Variants in MMP24 observed in about 807,000 individuals in gnomAD.
MMP24 encodes matrix metalloproteinase-24.
MMP24 carries 25 observed loss-of-function variants against 62.8 expected under a neutral mutation model. The ratio of observed to expected loss-of-function variants is 0.40; its 90% CI spans 0.29 to 0.56. MMP24 has a LOEUF of 0.56. MMP24 is among the 20% of genes least tolerant of loss of function. MMP24 has a pLI of 0.50. For missense variants in MMP24, 634 were observed against 853.6 expected (o/e 0.74, Z 3.21); for synonymous variants, 319 against 350.5 (o/e 0.91, Z 1.00).
intron 6 of MMP24, among the ~76,000 whole-genome samples, chr20:35,268,993 C>G (rs867719509): frequency 6.9e-6 from 1 of 145,224 alleles, no homozygotes; most frequent in African/African-American, 2.6e-5. Flanking sequence ...CGCCACTGCA[C>G]TCCAGCCTGG....
intron 5 of MMP24, 62 bp downstream of exon 5, chr20:35,264,014 G>C: frequency 1.3e-6 from 2 of 1,500,882 alleles, no homozygotes; most frequent in Non-Finnish European, 9.0e-7. Flanking sequence ...CTGCCTACCT[G>C]TCATGGGGCA....
In MMP24 at chr20:35,253,270, C is replaced by CTTTTTTTTT. The variant is rs34474017; in HGVS notation, c.513-1165_513-1157dup. Among the ~76,000 whole-genome samples, 404 of 79,028 alleles carry CTTTTTTTTT rather than the reference C, an allele frequency of 5.1e-3. 63 individuals are homozygous for CTTTTTTTTT. The highest frequency in any genetic ancestry group is 0.021 in the African/African-American group (353 of 17,162). 51.8% of individuals were successfully genotyped at this position (79,028 alleles called of 152,430 possible). On this transcript the variant is annotated intron_variant, in intron 3 of 8. Transcript: ENST00000246186. ...GACAAGCACTCCCTACAGAACGGGA[C>CTTTTTTTTT]TTTTTTTTTTTTTTTTTTTTTTTCA...
At chr20:35,256,570 T>C (rs1380618556) in intron 4 of MMP24, among the ~76,000 whole-genome samples, 1 of 151,840 alleles carries the variant, frequency 6.6e-6, no homozygotes, top group Admixed American at 6.6e-5. Context: ...AACACAAAAA[T>C]TAGCCAGGCA....
rs2060655529 is a variant in MMP24 at position 35,269,525 on chromosome 20, G to A, written c.1195-235G>A. On this transcript the variant is annotated intron_variant, in intron 6 of 8. Transcript: ENST00000246186. The surrounding 1 kb of genome is among the most constrained non-coding windows in gnomAD (Gnocchi z 4.6). ...CCTCACACCTCCTTTTCCACACCAG[G>A]CCTGTCTGCTGTTTGTCTCATTGTC... Among the ~76,000 whole-genome samples, 1 of 152,268 alleles carries A rather than the reference G, an allele frequency of 6.6e-6. No individual in the cohort carries two copies. The highest frequency in any genetic ancestry group is 6.5e-5 in the Admixed American group (1 of 15,284).
intron 5 of MMP24, among the ~76,000 whole-genome samples, chr20:35,265,998 A>T (rs965363987): frequency 1.3e-5 from 2 of 151,734 alleles, no homozygotes; most frequent in African/African-American, 2.4e-5. Context: ...GGATTCTAAT[A>T]AAAAAACACA....
At position 35,276,682 on chromosome 20, in the gene MMP24, T is replaced by G; in HGVS notation, c.*2073T>G. ...CCCCCGCCTCCCGCCAGGCTCCCCATTGGCTCCTGGCAGGCCAGCTGAGAA... is the reference window on the plus strand; with the variant it reads ...CCCCCGCCTCCCGCCAGGCTCCCCAGTGGCTCCTGGCAGGCCAGCTGAGAA... On this transcript the variant is annotated 3_prime_UTR_variant, in exon 9 of 9. Transcript: ENST00000246186. 6.1e-6 allele frequency: 1 copy of G among 163,572 alleles called. No individual in the cohort carries two copies. Among genetic ancestry groups the G allele is most frequent in the Non-Finnish European group, 1.3e-5 (1 of 75,482 alleles). The allele number at this position is 163,572 out of a possible 1,614,324, so 10.1% of individuals were successfully genotyped here. A position where few individuals can be genotyped will look rare whatever the true frequency, so the allele number is the denominator to read the frequency against.
At position 35,269,720 on chromosome 20, in the gene MMP24, G is replaced by A. The variant is rs772471913; in HGVS notation, c.1195-40G>A. 1.3e-6 allele frequency: 2 copies of A among 1,555,396 alleles called. No individual in the cohort carries two copies. Among genetic ancestry groups the A allele is most frequent in the Non-Finnish European group, 1.7e-6 (2 of 1,149,820 alleles). On this transcript the variant is annotated intron_variant, in intron 6 of 8. Coordinates refer to ENST00000246186, the MANE Select transcript of MMP24 (RefSeq NM_006690.4). This position sits in a 1 kb window ranked among gnomAD's most constrained non-coding sequence, Gnocchi z 4.6. ...TGCAATCACTGGGTTCGGAGGCAGG[G>A]CCTGACACACCTCTCTCCCCCTCTC...
At chr20:35,237,653 A>G (rs1174866348) in intron 1 of MMP24, among the ~76,000 whole-genome samples, 1 of 152,230 alleles carries the variant, frequency 6.6e-6, no homozygotes, top group Non-Finnish European at 1.5e-5. Context: ...TTCTTTAAAC[A>G]TCTGTTTAAC....
In MMP24 at chr20:35,247,001, T is replaced by C. The variant is rs368578440; in HGVS notation, c.395+13T>C. Reference sequence around the variant, plus strand: ...AGACAACGATCGAGTAAGATTTCCATAGGACATTGTGCCTTTGAACTTTCT... The same window carrying C: ...AGACAACGATCGAGTAAGATTTCCACAGGACATTGTGCCTTTGAACTTTCT... On this transcript the variant is annotated intron_variant, in intron 2 of 8. Transcript: ENST00000246186. 115 of 1,613,978 alleles carry C rather than the reference T, an allele frequency of 7.1e-5. No individual in the cohort carries two copies. The highest frequency in any genetic ancestry group is 9.9e-5 in the South Asian group (9 of 91,086).
At chr20:35,246,290 T>TA (rs71299212) in intron 1 of MMP24, among the ~76,000 whole-genome samples, 3,829 of 131,180 alleles carry the variant, frequency 0.029, 72 homozygotes, top group Non-Finnish European at 0.046. Context: ...CTGTCTCTAC[T>TA]AAAAAAAAAA....
At chr20:35,272,045 A>G (rs2060673322) in intron 8 of MMP24, 2 of 616,118 alleles carry the variant, frequency 3.2e-6, no homozygotes, top group Non-Finnish European at 5.6e-6. Context: ...GGAATGATTC[A>G]CGGCAGAGAG....
intron 1 of MMP24, among the ~76,000 whole-genome samples, chr20:35,241,696 G>A (rs553186624): frequency 9.8e-5 from 15 of 152,330 alleles, no homozygotes; most frequent in African/African-American, 3.6e-4. Context: ...AAACCAGGTT[G>A]CCAGCTTTTT....
intron 4 of MMP24, among the ~76,000 whole-genome samples, chr20:35,258,807 A>C (rs559578529): frequency 6.6e-6 from 1 of 151,982 alleles, no homozygotes; most frequent in Non-Finnish European, 1.5e-5. Flanking sequence ...AAAAAAAAAA[A>C]ACAACAAAAA....
chr20:35,269,837 C>A lies in MMP24; in HGVS notation c.1272C>A (p.Gly424=). 6.4e-7 allele frequency: 1 copy of A among 1,558,106 alleles called. No homozygotes were observed. Among genetic ancestry groups the A allele is most frequent in the African/African-American group, 1.4e-5 (1 of 73,374 alleles). The change falls in exon 7 of 9, where the codon GGC becomes GGA. Residue 424 remains glycine, a synonymous_variant. Transcript: ENST00000246186. This position sits in a 1 kb window ranked among gnomAD's most constrained non-coding sequence, Gnocchi z 4.6. ...YPMQIEQFWK[G]LPARIDAAYE... is the part of the protein sequence containing the mutation. ...TGCAGATCGAGCAGTTCTGGAAGGG[C>A]CTGCCTGCCCGCATCGACGCAGCCT...
chr20:35,274,646 A>G lies in MMP24; in HGVS notation c.*37A>G, dbSNP rs754870293. On this transcript the variant is annotated 3_prime_UTR_variant, in exon 9 of 9. Transcript: ENST00000246186. This position sits in a 1 kb window ranked among gnomAD's most constrained non-coding sequence, Gnocchi z 5.1. ...CCCTCTCTATCCACTTGGTCTGGCC[A>G]GCCAGGCCCTTCCTCACCAGGGTCT... 177 of 1,508,004 alleles carry G rather than the reference A, an allele frequency of 1.2e-4. No individual in the cohort carries two copies. The highest frequency in any genetic ancestry group is 1.6e-4 in the Non-Finnish European group (173 of 1,114,938). The allele number at this position is 1,508,004 out of a possible 1,614,324, so 93.4% of individuals were successfully genotyped here.
Position 35,274,951 on chromosome 20 carries a change from C to T in MMP24, c.*342C>T, listed in dbSNP as rs895231265. The stretch of plus-strand genomic sequence containing the variant: ...CTGTGGTGTCCATGAGGTACCACAG[C>T]TCCACTCCTGGCTGGAACCCAGCAC... On this transcript the variant is annotated 3_prime_UTR_variant, in exon 9 of 9. Coordinates refer to ENST00000246186, the MANE Select transcript of MMP24 (RefSeq NM_006690.4). This position sits in a 1 kb window ranked among gnomAD's most constrained non-coding sequence, Gnocchi z 5.1. 6.9e-6 allele frequency: 2 copies of T among 288,360 alleles called. No homozygotes were observed. The highest frequency in any genetic ancestry group is 9.6e-5 in the Admixed American group (2 of 20,756). 17.9% of individuals were successfully genotyped at this position (288,360 alleles called of 1,614,324 possible).
intron 1 of MMP24, among the ~76,000 whole-genome samples, chr20:35,242,325 C>G (rs530934720): frequency 2.0e-5 from 3 of 151,652 alleles, no homozygotes; most frequent in Non-Finnish European, 2.9e-5. Context: ...GAGTGAGACT[C>G]CATCTCAAAA....
intron 1 of MMP24, among the ~76,000 whole-genome samples, chr20:35,239,906 G>A (rs764073095): frequency 2.6e-5 from 4 of 152,162 alleles, no homozygotes; most frequent in Non-Finnish European, 5.9e-5. Context: ...TGGACAACTG[G>A]GTAGCTGATG....
chr20:35,273,754 CCT>C (rs1259183189), intron 8 of MMP24, among the ~76,000 whole-genome samples: 1 of 152,164 alleles, frequency 6.6e-6, no homozygotes, highest in Admixed American at 6.5e-5. Context: ...GGCTGCCCAG[CCT>C]CTCTCCCAGA....
Sources: gnomAD v4.1 joint callset for allele counts (sites outside exome capture counted in the v4.1 genomes callset) on GRCh38, gnomAD v4.1.1 for gene constraint, Gnocchi (gnomAD v3.1) non-coding constraint, MANE v1.5 for transcripts, NCBI Gene and HGNC (gene_info 2026-07-23, HGNC 2026-07-21) for gene names.